The following FAT3 variants were observed in gnomAD, a reference collection of about 807,000 sequenced individuals.
FAT3 encodes the protein protocadherin Fat 3.
A neutral mutation model predicts 310.2 loss-of-function variants in FAT3; 95 were observed. The observed-to-expected ratio is 0.31, with a 90% CI of 0.26 to 0.36. The LOEUF (loss-of-function observed/expected upper bound fraction) is 0.36. Among genes scored for constraint, FAT3 ranks in the 10% least tolerant of loss-of-function variants. FAT3 has a pLI of 1.00. For synonymous variants in FAT3, 2,314 were observed against 2,192.9 expected (o/e 1.06, Z -1.54); for missense variants, 5,408 against 5,715.6 (o/e 0.95, Z 1.74).
intron 2 of FAT3, among the ~76,000 whole-genome samples, chr11:92,377,294 C>G (rs898493258): frequency 6.6e-6 from 1 of 151,990 alleles, no homozygotes; most frequent in African/African-American, 2.4e-5. Flanking sequence ...GGTTATCAGC[C>G]CTATCATCAT....
At chr11:92,774,307 A>G (rs1946539043) in intron 7 of FAT3, 127 bp downstream of exon 7, 4 of 1,068,210 alleles carry the variant, frequency 3.7e-6, no homozygotes, top group Non-Finnish European at 5.2e-6. Context: ...GTTTAAAAAA[A>G]TCATTTTCAA....
At chr11:92,563,614 G>T (rs180913514) in intron 3 of FAT3, among the ~76,000 whole-genome samples, 1 of 151,882 alleles carries the variant, frequency 6.6e-6, no homozygotes, top group Non-Finnish European at 1.5e-5. Context: ...AATTTCTCTC[G>T]ACTTATCCTA....
chr11:92,351,792 T>C (rs1948574608), intron 1 of FAT3, among the ~76,000 whole-genome samples: 1 of 152,178 alleles, frequency 6.6e-6, no homozygotes, highest in African/African-American at 2.4e-5. Context: ...TATCTCTAAA[T>C]TGACCTTCAG....
rs1315356848 is a variant in FAT3 at position 92,772,575 on chromosome 11, A to G, written c.4196-1466A>G. 2.6e-5 allele frequency among the ~76,000 whole-genome samples: 4 copies of G among 152,218 alleles called. No homozygotes were observed. In the East Asian group the frequency reaches 5.8e-4, roughly 22 times the overall value. On this transcript the variant is annotated intron_variant, in intron 6 of 27. Transcript: ENST00000525166. Reference sequence around the variant, plus strand: ...GTTAATATTTAGTGCTCCTCATCAAATCAATTAAAGATATTAATTGGAAGA... The same window carrying G: ...GTTAATATTTAGTGCTCCTCATCAAGTCAATTAAAGATATTAATTGGAAGA...
chr11:92,525,686 G>T (rs970013106), intron 3 of FAT3, among the ~76,000 whole-genome samples: 10 of 62,010 alleles, frequency 1.6e-4, no homozygotes, highest in Non-Finnish European at 3.9e-4. Context: ...GTAAAATAGT[G>T]AGAGTTGTGA....
chr11:92,709,886 T>A (rs1440836270), intron 4 of FAT3, among the ~76,000 whole-genome samples: 1 of 152,068 alleles, frequency 6.6e-6, no homozygotes, highest in Admixed American at 6.6e-5. Context: ...TCACATTACC[T>A]CCGATCATCC....
At chr11:92,288,118 G>A (rs531357317) in intron 1 of FAT3, among the ~76,000 whole-genome samples, 8 of 152,184 alleles carry the variant, frequency 5.3e-5, no homozygotes, top group Non-Finnish European at 8.8e-5. Context: ...TGATATGTAC[G>A]TACAGTAGAA....
intron 3 of FAT3, among the ~76,000 whole-genome samples, chr11:92,680,234 AT>A (rs1276408871): frequency 6.6e-6 from 1 of 151,946 alleles, no homozygotes; most frequent in Non-Finnish European, 1.5e-5. Flanking sequence ...TATTTTTATA[AT>A]TTCAGATCTT....
chr11:92,622,086 A>G (rs520121), intron 3 of FAT3, among the ~76,000 whole-genome samples: 85,297 of 151,988 alleles, frequency 0.56, 25,362 homozygotes, highest in African/African-American at 0.76. Context: ...AAATGTGGTG[A>G]ACTGGCCTAG....
intron 22 of FAT3, among the ~76,000 whole-genome samples, chr11:92,872,085 A>C (rs1455114081): frequency 6.6e-6 from 1 of 152,220 alleles, no homozygotes; most frequent in Non-Finnish European, 1.5e-5. Flanking sequence ...GGCAATTGTG[A>C]GTATTCTGCC....
At chr11:92,539,428 A>G (rs1056837840) in intron 3 of FAT3, among the ~76,000 whole-genome samples, 3 of 152,178 alleles carry the variant, frequency 2.0e-5, no homozygotes, top group African/African-American at 4.8e-5. Context: ...GTAGAACTCT[A>G]TCAATCTTTT....
intron 1 of FAT3, among the ~76,000 whole-genome samples, chr11:92,333,734 ATTTT>A (rs35671347): frequency 1.4e-5 from 2 of 148,092 alleles, no homozygotes; most frequent in African/African-American, 2.5e-5. Flanking sequence ...CCTTAAAAGT[ATTTT>A]TTTTTTTCTC....
At chr11:92,516,553 G>A (rs1565377096) in intron 2 of FAT3, among the ~76,000 whole-genome samples, 1 of 152,122 alleles carries the variant, frequency 6.6e-6, no homozygotes, top group Non-Finnish European at 1.5e-5. Flanking sequence ...GCAAAAGCTA[G>A]AAGCATTCCC....
intron 3 of FAT3, among the ~76,000 whole-genome samples, chr11:92,550,100 C>G (rs898906129): frequency 5.9e-5 from 9 of 152,142 alleles, no homozygotes; most frequent in Admixed American, 6.5e-5. Flanking sequence ...GAAAAACTTT[C>G]AAGAATTAAA....
chr11:92,671,354 CCTT>C (rs1565501267), intron 3 of FAT3, among the ~76,000 whole-genome samples: 3 of 152,192 alleles, frequency 2.0e-5, no homozygotes, highest in African/African-American at 7.2e-5. Context: ...GCCACACTAG[CCTT>C]CTTTCCGTTT....
intron 3 of FAT3, among the ~76,000 whole-genome samples, chr11:92,553,206 C>T (rs1372743830): frequency 6.6e-6 from 1 of 152,108 alleles, no homozygotes; most frequent in Non-Finnish European, 1.5e-5. Context: ...ATTTTTGCAA[C>T]TATAAACATC....
In FAT3 at chr11:92,843,920, C is replaced by T; in HGVS notation, c.10567-14C>T. ...TTCTTCCTTTGTTGCCTTTTCACCTCTTGGTTGTTTTAGGCAAAGGATTCA... is the reference window on the plus strand; with the variant it reads ...TTCTTCCTTTGTTGCCTTTTCACCTTTTGGTTGTTTTAGGCAAAGGATTCA... On this transcript the variant is annotated splice_polypyrimidine_tract_variant and intron_variant, in intron 18 of 27. Coordinates refer to ENST00000525166, the MANE Select transcript of FAT3 (RefSeq NM_001367949.2). 8 of 1,574,932 alleles carry T rather than the reference C, an allele frequency of 5.1e-6. No homozygotes were observed. The highest frequency in any genetic ancestry group is 1.4e-5 in the African/African-American group (1 of 73,672).
intron 3 of FAT3, among the ~76,000 whole-genome samples, chr11:92,538,724 C>G (rs1206335170): frequency 6.6e-6 from 1 of 152,032 alleles, no homozygotes; most frequent in East Asian, 1.9e-4. Context: ...CCTCACAGTT[C>G]AGAATAATTT....
intron 3 of FAT3, among the ~76,000 whole-genome samples, chr11:92,679,398 A>G (rs1943397302): frequency 1.3e-5 from 2 of 152,012 alleles, no homozygotes; most frequent in Admixed American, 6.6e-5. Context: ...TAATGGCTAA[A>G]CTAATATACA....
Sources: gnomAD v4.1 joint callset for allele counts (sites outside exome capture counted in the v4.1 genomes callset) on GRCh38, gnomAD v4.1.1 for gene constraint, MANE v1.5 for transcripts, NCBI Gene and HGNC (gene_info 2026-07-23, HGNC 2026-07-21) for gene names.